C2orf42: variants seen among roughly 807,000 people sequenced by gnomAD.
C2orf42 encodes the protein chromosome 2 open reading frame 42, also known as uncharacterized protein C2orf42.
In C2orf42, 44 loss-of-function variants were observed where a neutral mutation model predicts 58.9. That is an observed-to-expected ratio of 0.75 (90% CI 0.59 to 0.96). C2orf42 has a LOEUF of 0.96. Ranked by LOEUF, C2orf42 falls within the 40% of genes least tolerant of loss-of-function variation. The probability of loss-of-function intolerance (pLI) is 0.00; values close to 1 mark genes in which losing one functional copy is unlikely to be tolerated. For missense variants in C2orf42, 630 were observed against 699.2 expected (o/e 0.90, Z 1.12); for synonymous variants, 239 against 265.4 (o/e 0.90, Z 0.97).
At chr2:70,185,042 A>C (rs565200973) in intron 1 of C2orf42, among the ~76,000 whole-genome samples, 2 of 151,292 alleles carry the variant, frequency 1.3e-5, no homozygotes, top group East Asian at 2.0e-4. Flanking sequence ...GTGAACCGAG[A>C]TCATGCCACT....
intron 6 of C2orf42, among the ~76,000 whole-genome samples, chr2:70,166,163 A>C (rs1673388907): frequency 1.3e-5 from 2 of 150,690 alleles, no homozygotes; most frequent in Admixed American, 1.3e-4. Context: ...TGCTGGGATT[A>C]CAGGCGTGAG....
At chr2:70,185,726 T>C (rs193127340) in intron 1 of C2orf42, among the ~76,000 whole-genome samples, 28 of 150,790 alleles carry the variant, frequency 1.9e-4, no homozygotes, top group Non-Finnish European at 3.8e-4. Flanking sequence ...AAAAAATATA[T>C]ATATATACAC....
chr2:70,167,323 A>T (rs1572995100), intron 6 of C2orf42, among the ~76,000 whole-genome samples: 1 of 151,386 alleles, frequency 6.6e-6, no homozygotes, highest in Non-Finnish European at 1.5e-5. Context: ...ACGCCACTGC[A>T]CTCCAGCCTG....
At chr2:70,167,365 A>C (rs1196109548) in intron 6 of C2orf42, among the ~76,000 whole-genome samples, 2 of 151,724 alleles carry the variant, frequency 1.3e-5, no homozygotes, top group African/African-American at 2.4e-5. Flanking sequence ...CTCAAAAAAA[A>C]AAAAAGAAAA....
intron 8 of C2orf42, among the ~76,000 whole-genome samples, chr2:70,161,810 A>G (rs1673066555): frequency 6.7e-6 from 1 of 149,742 alleles, no homozygotes; most frequent in Non-Finnish European, 1.5e-5. Flanking sequence ...ATTGCACTCC[A>G]GACTGGGCCA....
chr2:70,178,239 C>G (rs1029204842), intron 4 of C2orf42, among the ~76,000 whole-genome samples: 4 of 152,166 alleles, frequency 2.6e-5, no homozygotes, highest in South Asian at 2.1e-4. Context: ...TGCTTACCTA[C>G]TAGGATACTT....
At chr2:70,174,395 C>T (rs1384263867) in intron 5 of C2orf42, among the ~76,000 whole-genome samples, 1 of 152,040 alleles carries the variant, frequency 6.6e-6, no homozygotes, top group African/African-American at 2.4e-5. Flanking sequence ...AAATATAAGG[C>T]TTCTATACCC....
intron 5 of C2orf42, among the ~76,000 whole-genome samples, chr2:70,173,929 C>A (rs958629198): frequency 7.2e-5 from 11 of 152,118 alleles, no homozygotes; most frequent in Non-Finnish European, 1.3e-4. Context: ...AATCTCTATA[C>A]CAATTGCACA....
intron 4 of C2orf42, among the ~76,000 whole-genome samples, chr2:70,177,880 A>C (rs995049608): frequency 1.1e-4 from 17 of 152,114 alleles, no homozygotes; most frequent in African/African-American, 3.9e-4. Flanking sequence ...TACAAAAAAC[A>C]AACCAAAAAA....
At position 70,181,168 on chromosome 2, in the gene C2orf42, G is replaced by A. The variant is rs753832427; in HGVS notation, c.818C>T (p.Ser273Phe). Reference sequence around the variant, plus strand: ...ACATCAACCATACCACCTACCGCTGGAATCAAAATTTAGGAAGTCTGAGAA... The same window carrying A: ...ACATCAACCATACCACCTACCGCTGAAATCAAAATTTAGGAAGTCTGAGAA... ...QEFSDFLNFD[S>F]SGLKEIIVPQ... The change falls in exon 3 of 10, where the codon TCC becomes TTC. Residue 273 changes from serine (S) to phenylalanine (F), a missense_variant. Transcript: ENST00000264434. 1.4e-5 allele frequency: 22 copies of A among 1,549,058 alleles called. No individual in the cohort carries two copies. Among genetic ancestry groups the A allele is most frequent in the Non-Finnish European group, 1.8e-5 (21 of 1,142,328 alleles).
intron 4 of C2orf42, among the ~76,000 whole-genome samples, chr2:70,176,364 C>T (rs914725213): frequency 1.1e-4 from 16 of 151,980 alleles, no homozygotes; most frequent in Admixed American, 9.8e-4. Context: ...ATTAGCCGGG[C>T]GCGGTGGCAG....
In C2orf42 at chr2:70,165,149, C is replaced by A; in HGVS notation, c.1296G>T (p.Lys432Asn). 8.7e-6 allele frequency: 14 copies of A among 1,611,820 alleles called. No individual in the cohort carries two copies. The highest frequency in any genetic ancestry group is 1.1e-5 in the Non-Finnish European group (13 of 1,178,686). ...KDALPLGTFS[K>N]YTWHITNILQ... is the part of the protein sequence containing the mutation. The stretch of plus-strand genomic sequence containing the variant: ...GGATATTAGTGATATGCCAAGTATA[C>A]TTGGAAAAGGTTCCCAGTGGCAAGG... Residue 432 changes from lysine (K) to asparagine (N), a missense_variant, in exon 8 of 10, where the codon AAG becomes AAT. Physicochemically the swap from Lys to Asn is moderately conservative, Grantham distance 94 (BLOSUM62 0). Transcript: ENST00000264434.
chr2:70,175,656 A>T lies in C2orf42; in HGVS notation c.1039+17T>A. 6.8e-7 allele frequency: 1 copy of T among 1,477,046 alleles called. No homozygotes were observed. The highest frequency in any genetic ancestry group is 9.5e-7 in the Non-Finnish European group (1 of 1,055,156). The allele number at this position is 1,477,046 out of a possible 1,614,324, so 91.5% of individuals were successfully genotyped here. Reference sequence around the variant, plus strand: ...ACTTTCCACCACTGTAGCCTATTCTAGGGAAGGGAAACTTACCCTGCCTTT... The same window carrying T: ...ACTTTCCACCACTGTAGCCTATTCTTGGGAAGGGAAACTTACCCTGCCTTT... On this transcript the variant is annotated intron_variant, in intron 5 of 9. Transcript: ENST00000264434.
chr2:70,173,189 C>T (rs1224961864), intron 5 of C2orf42, among the ~76,000 whole-genome samples: 1 of 151,152 alleles, frequency 6.6e-6, no homozygotes, highest in Non-Finnish European at 1.5e-5. Flanking sequence ...AATAAAAAAA[C>T]CTATTTGATG....
rs142408741 is a variant in C2orf42, at chr2:70,164,403, T to A, written c.1353+689A>T. 7.0e-3 allele frequency among the ~76,000 whole-genome samples: 1,062 copies of A among 151,998 alleles called. 12 individuals carry two copies. Among genetic ancestry groups the A allele is most frequent in the African/African-American group, 0.025 (1,018 of 41,486 alleles). ...GCTCATGCCTTGTAATCCCAGCAGT[T>A]TGGGAGGATCATGAGGTCAGGAATT... On this transcript the variant is annotated intron_variant, in intron 8 of 9. Transcript: ENST00000264434.
At chr2:70,151,302 AGT>A (rs1197932816) in intron 9 of C2orf42, among the ~76,000 whole-genome samples, 1 of 152,180 alleles carries the variant, frequency 6.6e-6, no homozygotes, top group African/African-American at 2.4e-5. Context: ...TGGGCAATAC[AGT>A]GAGACTTTGT....
intron 9 of C2orf42, among the ~76,000 whole-genome samples, chr2:70,151,324 A>C (rs1163993471): frequency 6.6e-6 from 1 of 152,124 alleles, no homozygotes; most frequent in Non-Finnish European, 1.5e-5. Flanking sequence ...TCTCAAAAAA[A>C]CAAAGTAATA....
At chr2:70,178,072 C>A (rs1674309351) in intron 4 of C2orf42, among the ~76,000 whole-genome samples, 1 of 152,122 alleles carries the variant, frequency 6.6e-6, no homozygotes, top group Non-Finnish European at 1.5e-5. Context: ...AACAAAAAAA[C>A]ACACAAACTT....
chr2:70,185,744 C>CAA (rs2103664607), intron 1 of C2orf42, among the ~76,000 whole-genome samples: 1 of 151,070 alleles, frequency 6.6e-6, no homozygotes, highest in African/African-American at 2.4e-5. Context: ...CACACACACA[C>CAA]AAACACACAC....
Sources: gnomAD v4.1 joint callset for allele counts (sites outside exome capture counted in the v4.1 genomes callset) on GRCh38, gnomAD v4.1.1 for gene constraint, MANE v1.5 for transcripts, NCBI Gene and HGNC (gene_info 2026-07-23, HGNC 2026-07-21) for gene names.